The following RAI14 variants were observed in gnomAD, a reference collection of about 807,000 sequenced individuals.
The protein encoded by RAI14 is retinoic acid induced 14.
Under a neutral mutation model 115.4 loss-of-function variants are expected in RAI14, and 45 were observed. The ratio of observed to expected loss-of-function variants is 0.39; its 90% CI spans 0.31 to 0.50. The LOEUF is 0.50. Ranked by LOEUF, RAI14 falls within the 20% of genes least tolerant of loss-of-function variation. The probability of loss-of-function intolerance (pLI) is 0.85; values close to 1 mark genes in which losing one functional copy is unlikely to be tolerated. For missense variants in RAI14, 939 were observed against 1,131.2 expected (o/e 0.83, Z 2.44); for synonymous variants, 371 against 415.4 (o/e 0.89, Z 1.30).
intron 2 of RAI14, among the ~76,000 whole-genome samples, chr5:34,713,865 G>A (rs1212374950): frequency 6.6e-6 from 1 of 152,114 alleles, no homozygotes; most frequent in Non-Finnish European, 1.5e-5. Flanking sequence ...GAGTGCAATG[G>A]CACAATCTTG....
chr5:34,725,695 G>A (rs1270292761), intron 2 of RAI14, among the ~76,000 whole-genome samples: 1 of 152,074 alleles, frequency 6.6e-6, no homozygotes, highest in East Asian at 1.9e-4. Flanking sequence ...GCCAGGCATG[G>A]TGGCTCATGC....
intron 3 of RAI14, among the ~76,000 whole-genome samples, chr5:34,766,785 T>G (rs1036345832): frequency 3.3e-5 from 5 of 152,200 alleles, no homozygotes; most frequent in Non-Finnish European, 7.3e-5. Flanking sequence ...AGGGGCAGAA[T>G]GATATGATTT....
chr5:34,823,701 C>T lies in RAI14; in HGVS notation c.1859C>T (p.Thr620Ile). ...KLKDTLKSQM[T>I]QEASDEAEDM... ...AAAGACACACTAAAAAGTCAGATGA[C>T]ACAGGAAGCCAGTGATGAAGCTGAG... Residue 620 changes from threonine (T) to isoleucine (I), a missense_variant, in exon 15 of 18, where the codon ACA (threonine) becomes ATA (isoleucine). Physicochemically the swap from Thr to Ile is moderately conservative, Grantham distance 89. Coordinates refer to ENST00000265109, the MANE Select transcript of RAI14 (RefSeq NM_015577.3). This position sits in a 1 kb window ranked among gnomAD's most constrained non-coding sequence, Gnocchi z 4.5. The T allele has an allele frequency of 6.2e-7, 1 of 1,614,084 alleles. No homozygotes were observed. The highest frequency in any genetic ancestry group is 8.5e-7 in the Non-Finnish European group (1 of 1,180,038).
chr5:34,800,647 G>A (rs1417865640), intron 4 of RAI14, among the ~76,000 whole-genome samples: 2 of 152,134 alleles, frequency 1.3e-5, no homozygotes, highest in South Asian at 2.1e-4. Context: ...TCTGCTGCTC[G>A]TTAGAAAAAC....
In RAI14 at chr5:34,787,647, C is replaced by T. The variant is rs909331275; in HGVS notation, c.168-8292C>T. 4.0e-5 allele frequency among the ~76,000 whole-genome samples: 6 copies of T among 151,732 alleles called. No individual in the cohort carries two copies. The South Asian group carries it at 1.0e-3, about 26-fold the overall frequency. Reference sequence around the variant, plus strand: ...AGGGATTTTTTTGAGGAGGAGGTGACGAAAATATTCTAGAATTAGGTAATG... The same window carrying T: ...AGGGATTTTTTTGAGGAGGAGGTGATGAAAATATTCTAGAATTAGGTAATG... On this transcript the variant is annotated intron_variant, in intron 3 of 17. Transcript: ENST00000265109.
At chr5:34,659,643 G>A (rs767626844) in intron 1 of RAI14, among the ~76,000 whole-genome samples, 5 of 151,920 alleles carry the variant, frequency 3.3e-5, no homozygotes, top group Non-Finnish European at 7.4e-5. Context: ...ATAACAGTTT[G>A]TACAATAAAC....
intron 2 of RAI14, among the ~76,000 whole-genome samples, chr5:34,725,042 A>G (rs996073956): frequency 1.3e-5 from 2 of 151,940 alleles, no homozygotes; most frequent in Non-Finnish European, 2.9e-5. Flanking sequence ...TTGGAGAGAG[A>G]GAGAGGGAAA....
At position 34,676,032 on chromosome 5, in the gene RAI14, G is replaced by T. The variant is rs527338896; in HGVS notation, c.-48-10840G>T. Among the ~76,000 whole-genome samples the T allele has an allele frequency of 5.3e-4, 81 of 152,276 alleles. 4 individuals carry two copies. The South Asian group carries it at 0.017, about 32-fold the overall frequency. ...TATGTTTTCATTTCTCTCGTAGGTG[G>T]GAATAGCATTGCTGAGTCATGTGGT... On this transcript the variant is annotated intron_variant, in intron 1 of 17. Transcript: ENST00000265109.
intron 5 of RAI14, among the ~76,000 whole-genome samples, chr5:34,806,919 G>T (rs1754973107): frequency 6.6e-6 from 1 of 152,170 alleles, no homozygotes; most frequent in African/African-American, 2.4e-5. Flanking sequence ...GCCATTTACT[G>T]CGACTTGAGC....
chr5:34,797,243 G>A (rs1158221590), intron 4 of RAI14, among the ~76,000 whole-genome samples: 4 of 152,106 alleles, frequency 2.6e-5, no homozygotes, highest in East Asian at 1.9e-4. Context: ...TCGTGAATCC[G>A]TAATGGATCC....
chr5:34,657,611 A>G (rs1004168089), intron 1 of RAI14, among the ~76,000 whole-genome samples: 5 of 152,320 alleles, frequency 3.3e-5, no homozygotes, highest in African/African-American at 1.2e-4. Flanking sequence ...CAGCTCACGC[A>G]TGATCGGGGT....
At chr5:34,803,595 C>T (rs974309188) in intron 4 of RAI14, 117 bp from the exon 5 acceptor site, 21 of 853,286 alleles carry the variant, frequency 2.5e-5, no homozygotes, top group Admixed American at 8.5e-5. Context: ...AACACAGTTC[C>T]GTCTTTTTTG....
rs190203334 is a variant in RAI14, at chr5:34,817,630, C to A, written c.940-1167C>A. ...AAGTGAATAAAGATAATGAGATATA[C>A]CCATATAATGAAATATTATCTGCCA... On this transcript the variant is annotated intron_variant, in intron 12 of 17. Coordinates refer to ENST00000265109, the MANE Select transcript of RAI14 (RefSeq NM_015577.3). Among the ~76,000 whole-genome samples, 19 of 152,154 alleles carry A rather than the reference C, an allele frequency of 1.2e-4. No homozygotes were observed. In the East Asian group the frequency reaches 3.7e-3, roughly 29 times the overall value.
At chr5:34,771,248 G>GT (rs1750117157) in intron 3 of RAI14, among the ~76,000 whole-genome samples, 1 of 152,186 alleles carries the variant, frequency 6.6e-6, no homozygotes, top group African/African-American at 2.4e-5. Flanking sequence ...GTATTCTGGG[G>GT]TGTGGCTAAT....
At chr5:34,697,123 T>C (rs1739346455) in intron 2 of RAI14, among the ~76,000 whole-genome samples, 1 of 145,810 alleles carries the variant, frequency 6.9e-6, no homozygotes, top group Non-Finnish European at 1.5e-5. Context: ...AGAGTAAGAC[T>C]CCATCTCAAA....
rs778052191 is a variant in RAI14, at chr5:34,688,196, T to C, written c.36+1241T>C. On this transcript the variant is annotated intron_variant, in intron 2 of 17. Coordinates refer to ENST00000265109, the MANE Select transcript of RAI14 (RefSeq NM_015577.3). ...TCCTTCAACCTCATCGTCTGCTGGC[T>C]GTATGTTATGCAGCCTACATATCTC... is the stretch of plus-strand genomic sequence containing the variant. 5.2e-6 allele frequency: 8 copies of C among 1,550,762 alleles called. No homozygotes were observed. The South Asian group carries it at 9.6e-5, about 19-fold the overall frequency.
intron 3 of RAI14, 48 bp from the exon 4 acceptor site, chr5:34,795,891 A>G (rs372873948): frequency 2.0e-6 from 3 of 1,508,998 alleles, no homozygotes; most frequent in Non-Finnish European, 2.8e-6. Context: ...GGAGATGAAC[A>G]TTAAAGAGTA....
chr5:34,832,294 ACTTTT>A lies in RAI14; in HGVS notation c.*1533_*1537del, dbSNP rs1279683902. ...AAAAATGGCTTTAAAGCTTGGTGTTACTTTTCTTAAGTTGTTTAATTATAGTTAAG... is the reference window on the plus strand; with the variant it reads ...AAAAATGGCTTTAAAGCTTGGTGTTACTTAAGTTGTTTAATTATAGTTAAG... On this transcript the variant is annotated 3_prime_UTR_variant, in exon 18 of 18. Coordinates refer to ENST00000265109, the MANE Select transcript of RAI14 (RefSeq NM_015577.3). The A allele has an allele frequency of 1.3e-5, 2 of 152,638 alleles. No individual in the cohort carries two copies. The highest frequency in any genetic ancestry group is 1.5e-5 in the Non-Finnish European group (1 of 68,042). The allele number at this position is 152,638 out of a possible 1,614,324, so 9.5% of individuals were successfully genotyped here.
At chr5:34,660,867 G>A (rs1041858763) in intron 1 of RAI14, among the ~76,000 whole-genome samples, 5 of 151,416 alleles carry the variant, frequency 3.3e-5, no homozygotes, top group African/African-American at 7.3e-5. Flanking sequence ...ATCACCAGGC[G>A]TCTTGCCTCA....
Sources: allele counts gnomAD v4.1 joint callset (sites outside exome capture counted in the v4.1 genomes callset), GRCh38; gene constraint gnomAD v4.1.1; non-coding constraint Gnocchi (gnomAD v3.1); transcripts MANE v1.5; gene names NCBI Gene and HGNC (gene_info 2026-07-23, HGNC 2026-07-21).